The following PRKCA variants were observed in gnomAD, a reference collection of about 807,000 sequenced individuals.
The protein encoded by PRKCA is protein kinase C alpha type.
In PRKCA, 27 loss-of-function variants were observed where a neutral mutation model predicts 87.0. That is an observed-to-expected ratio of 0.31 (90% CI 0.23 to 0.43). The LOEUF (loss-of-function observed/expected upper bound fraction) is 0.43, where lower values mean the gene tolerates loss of function less well. Among genes scored for constraint, PRKCA ranks in the 20% least tolerant of loss-of-function variants. PRKCA has a pLI of 1.00. For missense variants in PRKCA, 518 were observed against 852.3 expected (o/e 0.61, Z 4.88); for synonymous variants, 329 against 311.1 (o/e 1.06, Z -0.61).
intron 2 of PRKCA, among the ~76,000 whole-genome samples, chr17:66,315,959 C>T (rs1328965233): frequency 6.6e-6 from 1 of 152,164 alleles, no homozygotes; most frequent in African/African-American, 2.4e-5. Context: ...CATTATATTA[C>T]ATCTTAGTCT....
rs773708742 is a variant in PRKCA at position 66,805,072 on chromosome 17, A to G, written c.*1035A>G. On this transcript the variant is annotated 3_prime_UTR_variant, in exon 17 of 17. Coordinates refer to ENST00000413366, the MANE Select transcript of PRKCA (RefSeq NM_002737.3). Reference sequence around the variant, plus strand: ...ACTTAATGGAAGTGCTGACTCTAGCATCAGCCTCTACCGATTGATTTTCCT... The same window carrying G: ...ACTTAATGGAAGTGCTGACTCTAGCGTCAGCCTCTACCGATTGATTTTCCT... The G allele has an allele frequency of 1.3e-4, 132 of 981,040 alleles. No homozygotes were observed. The highest frequency in any genetic ancestry group is 1.4e-4 in the Non-Finnish European group (115 of 825,960). 60.8% of individuals were successfully genotyped at this position (981,040 alleles called of 1,614,324 possible). A position where few individuals can be genotyped will look rare whatever the true frequency, so the allele number is the denominator to read the frequency against.
intron 3 of PRKCA, among the ~76,000 whole-genome samples, chr17:66,553,972 G>C (rs752406271): frequency 6.6e-6 from 1 of 152,320 alleles, no homozygotes; most frequent in Middle Eastern, 3.4e-3. Flanking sequence ...GACAGCTAAA[G>C]TGGTTCAGAG....
intron 3 of PRKCA, among the ~76,000 whole-genome samples, chr17:66,633,873 C>T (rs1000676525): frequency 2.6e-5 from 4 of 152,208 alleles, no homozygotes; most frequent in African/African-American, 7.2e-5. Flanking sequence ...TCACACTGCA[C>T]ATAGCTAGAT....
intron 2 of PRKCA, among the ~76,000 whole-genome samples, chr17:66,495,574 G>A (rs1277071904): frequency 1.7e-5 from 1 of 57,570 alleles, no homozygotes; most frequent in Admixed American, 1.6e-4. Flanking sequence ...TTTTTGAGAC[G>A]GAGTTTCACT....
At chr17:66,343,731 A>T (rs1395295013) in intron 2 of PRKCA, among the ~76,000 whole-genome samples, 2 of 152,152 alleles carry the variant, frequency 1.3e-5, no homozygotes, top group Admixed American at 1.3e-4. Context: ...AAGGACAGGG[A>T]GTATCCAGGG....
At chr17:66,658,091 A>G (rs923362900) in intron 5 of PRKCA, among the ~76,000 whole-genome samples, 2 of 152,220 alleles carry the variant, frequency 1.3e-5, no homozygotes, top group African/African-American at 4.8e-5. Flanking sequence ...ACTTACGATC[A>G]TGGCAGAAGA....
chr17:66,576,006 C>T (rs1159358977), intron 3 of PRKCA, among the ~76,000 whole-genome samples: 2 of 151,958 alleles, frequency 1.3e-5, no homozygotes, highest in East Asian at 1.9e-4. Flanking sequence ...CCCAGCTACT[C>T]CGGAGGCTGA....
intron 3 of PRKCA, among the ~76,000 whole-genome samples, chr17:66,572,303 C>A (rs1176041269): frequency 1.3e-5 from 2 of 152,072 alleles, no homozygotes; most frequent in Admixed American, 6.6e-5. Flanking sequence ...CCCATCTCTA[C>A]TAAAAGTACA....
At chr17:66,478,036 G>A (rs998448182) in intron 2 of PRKCA, among the ~76,000 whole-genome samples, 7 of 152,150 alleles carry the variant, frequency 4.6e-5, no homozygotes, top group African/African-American at 1.7e-4. Context: ...AAGGACGTGC[G>A]CCCAGGAGAC....
rs201932381 is a variant in PRKCA, at chr17:66,332,269, C to G, written c.205+26142C>G. Among the ~76,000 whole-genome samples, 28 of 148,248 alleles carry G rather than the reference C, an allele frequency of 1.9e-4. No homozygotes were observed. The East Asian group carries it at 5.1e-3, about 27-fold the overall frequency. On this transcript the variant is annotated intron_variant, in intron 2 of 16. Coordinates refer to ENST00000413366, the MANE Select transcript of PRKCA (RefSeq NM_002737.3). ...TTTAAACAGAGTCTTACTCTGTTGC[C>G]CAGGCTGGAGTGCAGTGGCACGATC...
rs747321782 is a variant in PRKCA at position 66,804,022 on chromosome 17, A to G, written c.2004A>G (p.Leu668=). 1.4e-5 allele frequency: 23 copies of G among 1,612,874 alleles called. 1 individual carries two copies. Among genetic ancestry groups the G allele is most frequent in the South Asian group, 3.3e-5 (3 of 91,052 alleles). The change falls in exon 17 of 17, where the codon TTA becomes TTG. Residue 668 remains leucine (L), a synonymous_variant. Transcript: ENST00000413366. The part of the protein sequence containing the change: ...YVNPQFVHPI[L]QSAV ...ACCCCCAGTTTGTGCACCCCATCTT[A>G]CAGAGTGCAGTATGAAACTCACCAG...
intron 3 of PRKCA, among the ~76,000 whole-genome samples, chr17:66,588,635 C>CTTTT (rs397856363): frequency 3.8e-4 from 15 of 39,108 alleles, no homozygotes; most frequent in African/African-American, 1.5e-3. Context: ...TTTTGCTTTG[C>CTTTT]TTTTTTTTTT....
At chr17:66,404,243 A>G (rs1911216122) in intron 2 of PRKCA, 1 of 152,246 alleles carries the variant, frequency 6.6e-6, no homozygotes, top group African/African-American at 2.4e-5. Flanking sequence ...GGAGAAGCCC[A>G]GGAAATGTTT....
chr17:66,462,585 A>G (rs1003104785), intron 2 of PRKCA, among the ~76,000 whole-genome samples: 8 of 152,164 alleles, frequency 5.3e-5, no homozygotes, highest in African/African-American at 1.9e-4. Flanking sequence ...AAAGACACCA[A>G]CCATCTTTTT....
intron 3 of PRKCA, among the ~76,000 whole-genome samples, chr17:66,518,412 C>A (rs1967042314): frequency 1.3e-5 from 2 of 152,176 alleles, no homozygotes; most frequent in East Asian, 3.8e-4. Flanking sequence ...AAGATATTCT[C>A]TGTCTTAACT....
chr17:66,418,730 C>T (rs1047973711), intron 2 of PRKCA, among the ~76,000 whole-genome samples: 1 of 151,758 alleles, frequency 6.6e-6, no homozygotes, highest in African/African-American at 2.4e-5. Flanking sequence ...GCCACTGCTC[C>T]CAGCCGGTTT....
chr17:66,364,656 G>T (rs1189869930), intron 2 of PRKCA, among the ~76,000 whole-genome samples: 2 of 152,122 alleles, frequency 1.3e-5, no homozygotes, highest in East Asian at 3.9e-4. Context: ...TTGATGCCTG[G>T]CAGCTGCCCG....
Position 66,788,908 on chromosome 17 carries a change from GC to G in PRKCA, c.1785del (p.Phe596SerfsTer42). ...GGGGGAGAGGGACGTGAGAGAGCAT[GC>G]CTTCTTCCGGAGGATCGACTGGGAA... ...PEGERDVREH[A>X]FFRRIDWEKL... On this transcript the variant is annotated frameshift_variant, in exon 16 of 17. Coordinates refer to ENST00000413366, the MANE Select transcript of PRKCA (RefSeq NM_002737.3). LOFTEE classifies it high-confidence loss of function. The G allele has an allele frequency of 6.2e-7, 1 of 1,614,134 alleles. No homozygotes were observed. The highest frequency in any genetic ancestry group is 8.5e-7 in the Non-Finnish European group (1 of 1,180,010).
At chr17:66,377,752 CCTCA>C (rs1312604751) in intron 2 of PRKCA, among the ~76,000 whole-genome samples, 1 of 103,880 alleles carries the variant, frequency 9.6e-6, no homozygotes, top group East Asian at 2.9e-4. Context: ...TGAGGCAGGA[CCTCA>C]CTCTGTCTCC....
Sources: allele counts gnomAD v4.1 joint callset (sites outside exome capture counted in the v4.1 genomes callset), GRCh38; gene constraint gnomAD v4.1.1; transcripts MANE v1.5; gene names NCBI Gene and HGNC (gene_info 2026-07-23, HGNC 2026-07-21).